Variants in MATN2 observed in about 807,000 individuals in gnomAD.
The protein encoded by MATN2 is matrilin-2.
MATN2 carries 69 observed loss-of-function variants against 103.2 expected under a neutral mutation model. The observed-to-expected ratio is 0.67, with a 90% CI of 0.55 to 0.82. The LOEUF is 0.82. Among genes scored for constraint, MATN2 ranks in the 40% least tolerant of loss-of-function variants. The probability of loss-of-function intolerance (pLI) is 0.00; values close to 1 mark genes in which losing one functional copy is unlikely to be tolerated. For missense variants in MATN2, 1,023 were observed against 1,211.5 expected, an observed-to-expected ratio of 0.84 and a Z score of 2.31; for synonymous variants, 429 against 450.2, an observed-to-expected ratio of 0.95 and a Z score of 0.60.
chr8:97,895,779 C>T (rs1268630373), intron 2 of MATN2, among the ~76,000 whole-genome samples: 4 of 152,198 alleles, frequency 2.6e-5, no homozygotes, highest in Non-Finnish European at 5.9e-5. Context: ...CAGGAGCAAA[C>T]ACTGTAAGGT....
At chr8:97,988,189 T>TATATATATATATACAC (rs71570279) in intron 6 of MATN2, among the ~76,000 whole-genome samples, 32 of 54,898 alleles carry the variant, frequency 5.8e-4, no homozygotes, top group African/African-American at 2.3e-3. Flanking sequence ...TATATATATA[T>TATATATATATATACAC]ACACACACAC....
At chr8:97,962,152 C>T (rs1468833800) in intron 5 of MATN2, among the ~76,000 whole-genome samples, 1 of 152,224 alleles carries the variant, frequency 6.6e-6, no homozygotes, top group African/African-American at 2.4e-5. Flanking sequence ...TGCAACTTAA[C>T]ATGGTCTCAT....
chr8:97,980,063 G>A (rs1004893072), intron 6 of MATN2, among the ~76,000 whole-genome samples: 10 of 152,118 alleles, frequency 6.6e-5, no homozygotes, highest in African/African-American at 1.4e-4. Flanking sequence ...AAATGAGTAC[G>A]GCAAGGTCCT....
At chr8:97,873,237 A>G (rs1254644157) in intron 1 of MATN2, among the ~76,000 whole-genome samples, 2 of 152,228 alleles carry the variant, frequency 1.3e-5, no homozygotes, top group Non-Finnish European at 2.9e-5. Flanking sequence ...AAAAGAAAGA[A>G]ATATTAGAGT....
rs1298380819 is a variant in MATN2, at chr8:97,988,175, T to A, written c.1082-6305T>A. 2.4e-3 allele frequency among the ~76,000 whole-genome samples: 208 copies of A among 85,662 alleles called. 1 individual carries two copies. The highest frequency in any genetic ancestry group is 8.5e-3 in the African/African-American group (148 of 17,380). The allele number at this position is 85,662 out of a possible 152,430, so 56.2% of individuals were successfully genotyped here. On this transcript the variant is annotated intron_variant, in intron 6 of 18. Transcript: ENST00000254898. Reference sequence around the variant, plus strand: ...ACCAAAAAAAAAAAAAAAAAAAATATATATATATATATATACACACACACA... The same window carrying A: ...ACCAAAAAAAAAAAAAAAAAAAATAAATATATATATATATACACACACACA...
intron 6 of MATN2, among the ~76,000 whole-genome samples, chr8:97,992,549 C>T (rs1241247435): frequency 6.6e-6 from 1 of 151,668 alleles, no homozygotes; most frequent in Admixed American, 6.6e-5. Flanking sequence ...AGTTCAAGAC[C>T]AGCCTGGCCA....
At chr8:97,954,338 C>T (rs1252377284) in intron 4 of MATN2, among the ~76,000 whole-genome samples, 2 of 152,234 alleles carry the variant, frequency 1.3e-5, no homozygotes, top group African/African-American at 2.4e-5. Context: ...TCTCTCACCA[C>T]GCTCAACTCC....
rs377082921 is a variant in MATN2, at chr8:97,961,393, G to A, written c.836-15G>A. ...GTGCCTGACGTTGTGTTCTAACATC[G>A]TGACTTTGCCTCAGTCCAGGATCTG... On this transcript the variant is annotated splice_polypyrimidine_tract_variant and intron_variant, in intron 4 of 18. Transcript: ENST00000254898. 156 of 1,605,562 alleles carry A rather than the reference G, an allele frequency of 9.7e-5. No homozygotes were observed. The African/African-American group carries it at 1.9e-3, about 20-fold the overall frequency.
chr8:98,019,214 TACACAC>T (rs139740649), intron 12 of MATN2, among the ~76,000 whole-genome samples: 2 of 149,818 alleles, frequency 1.3e-5, no homozygotes, highest in South Asian at 2.1e-4. Flanking sequence ...AAAATGGACA[TACACAC>T]ACACACACAC....
chr8:97,999,880 T>TAA (rs1563717588), intron 7 of MATN2, among the ~76,000 whole-genome samples: 2 of 121,390 alleles, frequency 1.6e-5, no homozygotes, highest in Admixed American at 7.9e-5. Context: ...TTTTTTTTTT[T>TAA]AATTTTTTAA....
intron 5 of MATN2, among the ~76,000 whole-genome samples, chr8:97,966,643 A>G (rs1811491180): frequency 6.6e-6 from 1 of 152,228 alleles, no homozygotes; most frequent in East Asian, 1.9e-4. Context: ...AGACACCACA[A>G]GGACACGTCA....
intron 3 of MATN2, among the ~76,000 whole-genome samples, chr8:97,933,780 TCACTG>T (rs1177986638): frequency 6.6e-6 from 1 of 152,130 alleles, no homozygotes; most frequent in Non-Finnish European, 1.5e-5. Flanking sequence ...CTGCTGTCTC[TCACTG>T]CACTGCACTG....
intron 2 of MATN2, among the ~76,000 whole-genome samples, chr8:97,928,742 C>T (rs527935010): frequency 2.6e-5 from 4 of 152,300 alleles, no homozygotes; most frequent in South Asian, 4.1e-4. Flanking sequence ...AGCCAGCACA[C>T]GTCGGGAGTT....
At chr8:97,928,297 G>A (rs1458395677) in intron 2 of MATN2, among the ~76,000 whole-genome samples, 1 of 138,822 alleles carries the variant, frequency 7.2e-6, no homozygotes, top group African/African-American at 2.7e-5. Flanking sequence ...CGCCATCTCA[G>A]CTCACTGCAA....
intron 6 of MATN2, among the ~76,000 whole-genome samples, chr8:97,984,342 C>G (rs1364387127): frequency 6.6e-6 from 1 of 152,206 alleles, no homozygotes; most frequent in East Asian, 1.9e-4. Context: ...TGGCTACTTG[C>G]GTTCTTTGTG....
chr8:97,972,117 G>A (rs139994833), intron 5 of MATN2, among the ~76,000 whole-genome samples: 1 of 151,804 alleles, frequency 6.6e-6, no homozygotes, highest in African/African-American at 2.4e-5. Flanking sequence ...AATTGATTGA[G>A]CCCAAGGAGA....
chr8:97,947,647 G>T (rs1331752598), intron 4 of MATN2, among the ~76,000 whole-genome samples: 1 of 152,128 alleles, frequency 6.6e-6, no homozygotes, highest in Non-Finnish European at 1.5e-5. Flanking sequence ...ACCCTATCAT[G>T]GATTGGAAGA....
intron 2 of MATN2, among the ~76,000 whole-genome samples, chr8:97,892,289 T>C (rs1394263727): frequency 1.3e-5 from 2 of 148,820 alleles, no homozygotes. Flanking sequence ...GGTACACACC[T>C]ATAGTCCCAG....
Position 98,003,658 on chromosome 8 carries a change from C to G in MATN2, c.1205-3C>G, listed in dbSNP as rs775599024. 42 of 1,613,638 alleles carry G rather than the reference C, an allele frequency of 2.6e-5. No individual in the cohort carries two copies. The highest frequency in any genetic ancestry group is 3.3e-5 in the Non-Finnish European group (39 of 1,179,732). The stretch of plus-strand genomic sequence containing the variant: ...AAGGAAGGTCTGCCCTTCTTCCCCT[C>G]AGGGATCAACTACTGTGCACTGAAC... On this transcript the variant is annotated splice_region_variant and splice_polypyrimidine_tract_variant and intron_variant, in intron 7 of 18. Transcript: ENST00000254898.
Sources: allele counts gnomAD v4.1 joint callset (sites outside exome capture counted in the v4.1 genomes callset), GRCh38; gene constraint gnomAD v4.1.1; transcripts MANE v1.5; gene names NCBI Gene and HGNC (gene_info 2026-07-23, HGNC 2026-07-21).